The following AGK variants were observed in gnomAD, a reference collection of about 807,000 sequenced individuals.
AGK encodes the protein acylglycerol kinase.
A neutral mutation model predicts 66.4 loss-of-function variants in AGK; 52 were observed. The ratio of observed to expected loss-of-function variants is 0.78; its 90% CI spans 0.63 to 0.99. The LOEUF (loss-of-function observed/expected upper bound fraction) is 0.99, where lower values mean the gene tolerates loss of function less well. AGK is among the 50% of genes least tolerant of loss of function. AGK has a pLI of 0.00. For synonymous variants in AGK, 182 were observed against 181.1 expected (o/e 1.00, Z -0.04); for missense variants, 451 against 506.6 (o/e 0.89, Z 1.05).
chr7:141,553,155 T>G (rs1375941132), intron 1 of AGK, among the ~76,000 whole-genome samples: 3 of 152,220 alleles, frequency 2.0e-5, no homozygotes, highest in Non-Finnish European at 4.4e-5. Context: ...ATCTGTCTTC[T>G]TGCTGTATCC....
intron 2 of AGK, among the ~76,000 whole-genome samples, chr7:141,581,969 A>G (rs1795889990): frequency 6.6e-6 from 1 of 151,966 alleles, no homozygotes; most frequent in African/African-American, 2.4e-5. Flanking sequence ...GGTAATGTGG[A>G]GTGGGTAGCC....
chr7:141,610,852 G>A (rs1466268748), intron 5 of AGK, among the ~76,000 whole-genome samples: 2 of 152,152 alleles, frequency 1.3e-5, no homozygotes, highest in Non-Finnish European at 2.9e-5. Context: ...CTATTTGCAT[G>A]TACACTTGAC....
At chr7:141,601,624 A>G (rs966079201) in intron 5 of AGK, among the ~76,000 whole-genome samples, 1 of 152,216 alleles carries the variant, frequency 6.6e-6, no homozygotes, top group Non-Finnish European at 1.5e-5. Flanking sequence ...ATTTCTTAGT[A>G]GTTCCACAAA....
At chr7:141,604,374 G>GTATATATATATATA (rs368893843) in intron 5 of AGK, among the ~76,000 whole-genome samples, 1,240 of 113,624 alleles carry the variant, frequency 0.011, 18 homozygotes, top group East Asian at 0.016. Flanking sequence ...GTGTGTGTGT[G>GTATATATATATATA]TATATATATA....
intron 11 of AGK, among the ~76,000 whole-genome samples, chr7:141,639,713 G>A (rs1797248087): frequency 6.6e-6 from 1 of 152,096 alleles, no homozygotes; most frequent in African/African-American, 2.4e-5. Context: ...GTAGGAGGAG[G>A]CTTAGGATTA....
At chr7:141,604,052 T>C (rs989554421) in intron 5 of AGK, among the ~76,000 whole-genome samples, 3 of 152,060 alleles carry the variant, frequency 2.0e-5, no homozygotes, top group African/African-American at 7.2e-5. Flanking sequence ...ACTTATCAAT[T>C]ATATGCAAGT....
chr7:141,574,655 G>C (rs2116884114), intron 2 of AGK, among the ~76,000 whole-genome samples: 1 of 152,312 alleles, frequency 6.6e-6, no homozygotes, highest in East Asian at 1.9e-4. Flanking sequence ...GAAGCCTCCA[G>C]GCGATACATT....
intron 1 of AGK, among the ~76,000 whole-genome samples, 184 bp downstream of exon 1, chr7:141,551,618 G>A (rs1795086278): frequency 6.6e-6 from 1 of 152,142 alleles, no homozygotes; most frequent in Non-Finnish European, 1.5e-5. Flanking sequence ...GCGGCTTGAG[G>A]GTAGGGGGTG....
chr7:141,612,202 C>A (rs1329182414), intron 6 of AGK, among the ~76,000 whole-genome samples: 5 of 152,198 alleles, frequency 3.3e-5, no homozygotes, highest in Admixed American at 1.3e-4. Flanking sequence ...ATGTATGTTA[C>A]TAAGTGAAAG....
intron 2 of AGK, among the ~76,000 whole-genome samples, chr7:141,566,857 C>G (rs1258119733): frequency 6.6e-6 from 1 of 152,174 alleles, no homozygotes; most frequent in Non-Finnish European, 1.5e-5. Flanking sequence ...CATCTTCACT[C>G]AAGTCTGCAT....
At chr7:141,551,762 G>A (rs897555119) in intron 1 of AGK, among the ~76,000 whole-genome samples, 4 of 152,184 alleles carry the variant, frequency 2.6e-5, no homozygotes, top group African/African-American at 9.7e-5. Flanking sequence ...TTGGGCTTCA[G>A]CATAGCCCTT....
intron 9 of AGK, among the ~76,000 whole-genome samples, chr7:141,624,303 C>A (rs1263347939): frequency 1.3e-5 from 2 of 152,026 alleles, no homozygotes; most frequent in Non-Finnish European, 2.9e-5. Context: ...CAAAGTGAGA[C>A]CCCATCTATA....
chr7:141,580,582 A>G (rs1004383662), intron 2 of AGK, among the ~76,000 whole-genome samples: 3 of 151,962 alleles, frequency 2.0e-5, no homozygotes, highest in Non-Finnish European at 4.4e-5. Flanking sequence ...AGCAGAAGGT[A>G]TATGTGTCAG....
At position 141,653,406 on chromosome 7, in the gene AGK, TC is replaced by T. The variant is rs1170357101; in HGVS notation, c.*483del. On this transcript the variant is annotated 3_prime_UTR_variant, in exon 16 of 16. Transcript: ENST00000649286. ...GCTCCTGTTTAGCTTTTATTTCAGT[TC>T]TAACCTCAGTCCAGAAACATATGTG... The T allele has an allele frequency of 1.3e-5, 2 of 153,822 alleles. No homozygotes were observed. Among genetic ancestry groups the T allele is most frequent in the African/African-American group, 4.8e-5 (2 of 41,480 alleles). The allele number at this position is 153,822 out of a possible 1,614,324, so 9.5% of individuals were successfully genotyped here. A position where few individuals can be genotyped will look rare whatever the true frequency, so the allele number is the denominator to read the frequency against.
chr7:141,581,905 C>T (rs1401692286), intron 2 of AGK, among the ~76,000 whole-genome samples: 2 of 151,942 alleles, frequency 1.3e-5, no homozygotes, highest in South Asian at 4.1e-4. Context: ...TGAAGCTTGG[C>T]TGTCAATACC....
chr7:141,608,250 C>T (rs905877247), intron 5 of AGK, among the ~76,000 whole-genome samples: 2 of 152,126 alleles, frequency 1.3e-5, no homozygotes, highest in African/African-American at 2.4e-5. Flanking sequence ...GGTTATTTTA[C>T]TTATTACTAT....
chr7:141,574,460 G>A (rs1409255272), intron 2 of AGK, among the ~76,000 whole-genome samples: 1 of 152,158 alleles, frequency 6.6e-6, no homozygotes, highest in African/African-American at 2.4e-5. Context: ...CCTGAGGCTA[G>A]GATAAGAGAG....
intron 13 of AGK, among the ~76,000 whole-genome samples, chr7:141,642,407 CTAGT>C (rs1402959351): frequency 5.9e-5 from 9 of 152,166 alleles, no homozygotes; most frequent in Admixed American, 4.6e-4. Flanking sequence ...CCACATGTGG[CTAGT>C]TAAATTTAAA....
chr7:141,576,416 G>GC (rs1371819828), intron 2 of AGK, among the ~76,000 whole-genome samples: 1 of 151,734 alleles, frequency 6.6e-6, no homozygotes, highest in Non-Finnish European at 1.5e-5. Flanking sequence ...TTTAAAGAGA[G>GC]CAGGGGTACC....
Sources: allele counts gnomAD v4.1 joint callset (sites outside exome capture counted in the v4.1 genomes callset), GRCh38; gene constraint gnomAD v4.1.1; transcripts MANE v1.5; gene names NCBI Gene and HGNC (gene_info 2026-07-23, HGNC 2026-07-21).